PLS3: variants seen among roughly 807,000 people sequenced by gnomAD.
The protein encoded by PLS3 is plastin 3, also known as plastin-3.
In PLS3, 11 loss-of-function variants were observed where a neutral mutation model predicts 46.5. That is an observed-to-expected ratio of 0.24 (90% CI 0.15 to 0.39). The LOEUF (loss-of-function observed/expected upper bound fraction) is 0.39. Among genes scored for constraint, PLS3 ranks in the 10% least tolerant of loss-of-function variants. The pLI, the probability that PLS3 is intolerant of heterozygous loss-of-function variation, is 1.00. For missense variants in PLS3, 308 were observed against 461.8 expected (o/e 0.67, Z 3.05); for synonymous variants, 167 against 162.2 (o/e 1.03, Z -0.22).
chrX:115,643,559 A>T (rs1556641303), intron 10 of PLS3, 51 bp downstream of exon 10: 6 of 670,328 alleles, frequency 9.0e-6, no homozygotes, highest in Non-Finnish European at 1.4e-5. Context: ...GTAGAAATAC[A>T]TAGGCCACAA....
intron 7 of PLS3, 76 bp from the exon 8 acceptor site, chrX:115,636,760 C>T: frequency 1.0e-6 from 1 of 966,522 alleles, no homozygotes; most frequent in Non-Finnish European, 1.4e-6. Flanking sequence ...TTAACAGTGT[C>T]AAAAGACTGA....
rs1412709804 is a variant in PLS3 at position 115,646,002 on chromosome X, T to C, written c.1263-70T>C. 6 of 558,192 alleles carry C rather than the reference T, an allele frequency of 1.1e-5. No homozygotes were observed. The East Asian group carries it at 2.0e-4, about 19-fold the overall frequency. 46.0% of individuals were successfully genotyped at this position (558,192 alleles called of 1,213,427 possible). A position where few individuals can be genotyped will look rare whatever the true frequency, so the allele number is the denominator to read the frequency against. ...ATATATCTTGTTTGACAATGTAGTG[T>C]TACTGTTTTTAAGGAAAGTCAAGTC... On this transcript the variant is annotated intron_variant, in intron 11 of 15. Transcript: ENST00000355899.
intron 1 of PLS3, among the ~76,000 whole-genome samples, chrX:115,584,880 G>T (rs990412047): frequency 2.1e-4 from 24 of 112,173 alleles, no homozygotes; most frequent in African/African-American, 7.4e-4. Flanking sequence ...CTGTCCTGAA[G>T]TGAAATAAGA....
chrX:115,568,982 GC>G, intron 1 of PLS3, among the ~76,000 whole-genome samples: 1 of 105,997 alleles, frequency 9.4e-6, no homozygotes, highest in South Asian at 4.1e-4. Context: ...GTTGCAGTGA[GC>G]CAAGATTGCA....
At chrX:115,640,249 A>T in intron 8 of PLS3, 159 bp from the exon 9 acceptor site, 1 of 650,258 alleles carries the variant, frequency 1.5e-6, no homozygotes, top group African/African-American at 2.2e-5. Context: ...AGGCAGATAG[A>T]TGGACTTTTC....
intron 3 of PLS3, among the ~76,000 whole-genome samples, chrX:115,624,602 C>T (rs1556638214): frequency 8.9e-6 from 1 of 112,070 alleles, no homozygotes; most frequent in African/African-American, 3.2e-5. Flanking sequence ...ATATTAAGGA[C>T]AAAATTGTAA....
chrX:115,591,014 T>C (rs2074341614), intron 1 of PLS3, among the ~76,000 whole-genome samples: 1 of 105,544 alleles, frequency 9.5e-6, no homozygotes, highest in African/African-American at 3.5e-5. Context: ...TGGCGGGTGC[T>C]TGTAGTCCCA....
At chrX:115,612,432 G>A (rs2074556404) in intron 2 of PLS3, among the ~76,000 whole-genome samples, 1 of 111,428 alleles carries the variant, frequency 9.0e-6, no homozygotes, top group Non-Finnish European at 1.9e-5. Context: ...TCAGGCAACC[G>A]TCAAAGGTGT....
chrX:115,582,130 A>G (rs1286286816), intron 1 of PLS3, among the ~76,000 whole-genome samples: 1 of 112,362 alleles, frequency 8.9e-6, no homozygotes, highest in Non-Finnish European at 1.9e-5. Flanking sequence ...GACTTTTAAA[A>G]GCTCATTCTC....
chrX:115,648,342 G>A (rs1379143056), intron 15 of PLS3, among the ~76,000 whole-genome samples: 2 of 111,179 alleles, frequency 1.8e-5, no homozygotes, highest in East Asian at 5.6e-4. Flanking sequence ...AGAGCTTAGG[G>A]TGTTCATCTG....
intron 1 of PLS3, among the ~76,000 whole-genome samples, chrX:115,577,475 C>A (rs915284658): frequency 3.2e-4 from 8 of 25,195 alleles, no homozygotes; most frequent in African/African-American, 5.4e-4. Flanking sequence ...GGGTTTATCA[C>A]TCCTGATTTT....
chrX:115,577,852 AG>A (rs1261408004), intron 1 of PLS3, among the ~76,000 whole-genome samples: 2 of 110,955 alleles, frequency 1.8e-5, no homozygotes, highest in East Asian at 5.7e-4. Flanking sequence ...CTCCTTGCCT[AG>A]AAAAAAAAAT....
chrX:115,571,020 G>A (rs902888719), intron 1 of PLS3, among the ~76,000 whole-genome samples: 1 of 106,280 alleles, frequency 9.4e-6, no homozygotes, highest in African/African-American at 3.4e-5. Context: ...TCAGCCTCCC[G>A]AGTAGCAGGG....
intron 1 of PLS3, among the ~76,000 whole-genome samples, chrX:115,567,152 T>C (rs1385172829): frequency 2.7e-5 from 3 of 111,960 alleles, no homozygotes; most frequent in African/African-American, 9.8e-5. Flanking sequence ...AGTTTTGTGA[T>C]TGCCCATAAT....
chrX:115,629,730 A>G (rs1318171672), intron 4 of PLS3, 105 bp from the exon 5 acceptor site: 1 of 497,819 alleles, frequency 2.0e-6, no homozygotes, highest in East Asian at 3.7e-5. Context: ...CATGTTTCTG[A>G]CACATTAACT....
At chrX:115,620,729 T>TTTTTTTTTTTTTTTTC (rs1569528167) in intron 2 of PLS3, among the ~76,000 whole-genome samples, 1 of 95,858 alleles carries the variant, frequency 1.0e-5, no homozygotes, top group African/African-American at 3.9e-5. Flanking sequence ...TTTTTTTTTT[T>TTTTTTTTTTTTTTTTC]TGAGATGGAG....
At chrX:115,599,412 T>G (rs1556634270) in intron 1 of PLS3, among the ~76,000 whole-genome samples, 1 of 99,494 alleles carries the variant, frequency 1.0e-5, no homozygotes, top group African/African-American at 3.7e-5. Context: ...TCCTAGCTAC[T>G]GGGGGTGGGA....
chrX:115,630,016 A>G (rs2074748598), intron 5 of PLS3, 49 bp downstream of exon 5: 2 of 915,605 alleles, frequency 2.2e-6, no homozygotes, highest in Admixed American at 3.0e-5. Flanking sequence ...ATAGCCTTCC[A>G]TATAATTGAT....
intron 1 of PLS3, among the ~76,000 whole-genome samples, chrX:115,588,537 TAAAC>T (rs2074324577): frequency 8.9e-6 from 1 of 112,395 alleles, no homozygotes; most frequent in African/African-American, 3.2e-5. Context: ...TTCTTATTTT[TAAAC>T]AAATAAATAT....
Sources: gnomAD v4.1 joint callset for allele counts (sites outside exome capture counted in the v4.1 genomes callset) on GRCh38, gnomAD v4.1.1 for gene constraint, MANE v1.5 for transcripts, NCBI Gene and HGNC (gene_info 2026-07-23, HGNC 2026-07-21) for gene names.